Variants in RNF6 observed in about 807,000 individuals in gnomAD.
The protein encoded by RNF6 is E3 ubiquitin-protein ligase RNF6.
Under a neutral mutation model 50.1 loss-of-function variants are expected in RNF6, and 21 were observed. The observed-to-expected ratio is 0.42, with a 90% CI of 0.30 to 0.60. The LOEUF (loss-of-function observed/expected upper bound fraction) is 0.60. Ranked by LOEUF, RNF6 falls within the 20% of genes least tolerant of loss-of-function variation. The pLI is 0.20. For missense variants in RNF6, 698 were observed against 838.2 expected (o/e 0.83, Z 2.07); for synonymous variants, 255 against 291.8 (o/e 0.87, Z 1.29).
chr13:26,193,843 T>C (rs1346852412), intron 5 of RNF6, among the ~76,000 whole-genome samples: 3 of 152,168 alleles, frequency 2.0e-5, no homozygotes, highest in African/African-American at 7.2e-5. Flanking sequence ...ACAGACAATA[T>C]GTGAGAAAAG....
intron 5 of RNF6, among the ~76,000 whole-genome samples, chr13:26,161,139 A>C (rs1872194161): frequency 6.6e-6 from 1 of 152,172 alleles, no homozygotes; most frequent in South Asian, 2.1e-4. Flanking sequence ...ATCTCATAAT[A>C]AAAGTGAATC....
chr13:26,148,327 A>C (rs1871358781), intron 5 of RNF6, among the ~76,000 whole-genome samples: 1 of 152,000 alleles, frequency 6.6e-6, no homozygotes, highest in Admixed American at 6.6e-5. Flanking sequence ...ACAGATGCAA[A>C]CCATGCCACA....
At chr13:26,165,033 G>A (rs1331361524) in intron 5 of RNF6, among the ~76,000 whole-genome samples, 1 of 152,162 alleles carries the variant, frequency 6.6e-6, no homozygotes, top group Non-Finnish European at 1.5e-5. Flanking sequence ...CTTCACAGCT[G>A]CCACTCCCAT....
intron 5 of RNF6, among the ~76,000 whole-genome samples, chr13:26,204,963 A>ATAC (rs1203341030): frequency 7.9e-5 from 12 of 152,282 alleles, no homozygotes; most frequent in Middle Eastern, 3.4e-3. Flanking sequence ...AACAGAGACC[A>ATAC]TACTCTGCAG....
At chr13:26,216,583 A>G (rs1869894660) in intron 4 of RNF6, among the ~76,000 whole-genome samples, 1 of 152,224 alleles carries the variant, frequency 6.6e-6, no homozygotes, top group Admixed American at 6.5e-5. Context: ...TAGATATTAT[A>G]TAAAGTACAA....
intron 5 of RNF6, among the ~76,000 whole-genome samples, chr13:26,135,362 TATA>T (rs1036023756): frequency 2.8e-4 from 43 of 152,106 alleles, no homozygotes; most frequent in African/African-American, 1.0e-3. Flanking sequence ...GGCTTCCCTT[TATA>T]ATAATAATAA....
chr13:26,166,786 G>C (rs1872471875), intron 5 of RNF6, among the ~76,000 whole-genome samples: 1 of 152,116 alleles, frequency 6.6e-6, no homozygotes, highest in Non-Finnish European at 1.5e-5. Flanking sequence ...CAGGCATGGT[G>C]GTGCGTGCCT....
At chr13:26,179,654 T>C (rs1004010985) in intron 5 of RNF6, among the ~76,000 whole-genome samples, 2 of 152,154 alleles carry the variant, frequency 1.3e-5, no homozygotes, top group African/African-American at 2.4e-5. Flanking sequence ...CCATTCAGGG[T>C]CCTGTCCTCC....
chr13:26,141,830 T>C (rs971782568), intron 5 of RNF6, among the ~76,000 whole-genome samples: 2 of 152,162 alleles, frequency 1.3e-5, no homozygotes, highest in African/African-American at 4.8e-5. Context: ...GGAAAAGAAT[T>C]TATGACCAAA....
chr13:26,165,475 C>A (rs566895568), intron 5 of RNF6, among the ~76,000 whole-genome samples: 1 of 152,284 alleles, frequency 6.6e-6, no homozygotes, highest in African/African-American at 2.4e-5. Context: ...ATCCTCCAGA[C>A]CCCACAATTG....
intron 5 of RNF6, among the ~76,000 whole-genome samples, chr13:26,171,067 T>C (rs1872676435): frequency 6.6e-6 from 1 of 152,082 alleles, no homozygotes; most frequent in Non-Finnish European, 1.5e-5. Context: ...CAGGACTTCA[T>C]CAAAATTAAA....
intron 5 of RNF6, chr13:26,142,471 C>A (rs1462741850): frequency 6.6e-6 from 1 of 152,166 alleles, no homozygotes; most frequent in African/African-American, 2.4e-5. Flanking sequence ...TGGAGTCAAC[C>A]TAGGTGTCCA....
At chr13:26,187,629 G>A (rs1873619243) in intron 5 of RNF6, among the ~76,000 whole-genome samples, 1 of 152,234 alleles carries the variant, frequency 6.6e-6, no homozygotes, top group Admixed American at 6.5e-5. Context: ...ACGTACCCAA[G>A]GTCTTATTGC....
chr13:26,203,162 C>T (rs9581588), intron 5 of RNF6, among the ~76,000 whole-genome samples: 1 of 152,038 alleles, frequency 6.6e-6, no homozygotes, highest in Non-Finnish European at 1.5e-5. Context: ...AATTACCTCT[C>T]GAGAGCATCC....
intron 5 of RNF6, among the ~76,000 whole-genome samples, chr13:26,204,060 C>G (rs1868998579): frequency 6.6e-6 from 1 of 152,178 alleles, no homozygotes; most frequent in African/African-American, 2.4e-5. Context: ...CACAATGCAG[C>G]CTGGAGGTTC....
intron 5 of RNF6, among the ~76,000 whole-genome samples, chr13:26,175,868 T>G (rs1364498071): frequency 1.3e-5 from 2 of 152,132 alleles, no homozygotes; most frequent in Non-Finnish European, 2.9e-5. Flanking sequence ...CTTTCACATT[T>G]ATTTGGAATT....
chr13:26,202,072 G>T (rs776326195), intron 5 of RNF6, among the ~76,000 whole-genome samples: 3 of 152,170 alleles, frequency 2.0e-5, no homozygotes, highest in Non-Finnish European at 4.4e-5. Context: ...TACCATACTT[G>T]GCAGTCTGGC....
intron 5 of RNF6, among the ~76,000 whole-genome samples, chr13:26,139,143 C>A (rs552632767): frequency 1.3e-5 from 2 of 152,114 alleles, no homozygotes; most frequent in African/African-American, 4.8e-5. Context: ...TGGGGGCTCA[C>A]CTTTTATATG....
At position 26,177,548 on chromosome 13, in the gene RNF6, C is replaced by T. The variant is rs527387388; in HGVS notation, n.768+37926G>A. On this transcript the variant is annotated intron_variant and non_coding_transcript_variant, in intron 5 of 5. Transcript: ENST00000468480. ...CTATAATTCAACACACAGGTGATAA[C>T]CATAACCATGAGAGTGGCCCTGACA... Among the ~76,000 whole-genome samples the T allele has an allele frequency of 4.8e-4, 73 of 152,280 alleles. 1 individual carries two copies. Among genetic ancestry groups the T allele is most frequent in the African/African-American group, 1.7e-3 (72 of 41,548 alleles).
Sources: gnomAD v4.1 joint callset for allele counts (sites outside exome capture counted in the v4.1 genomes callset) on GRCh38, gnomAD v4.1.1 for gene constraint, MANE v1.5 for transcripts, NCBI Gene and HGNC (gene_info 2026-07-23, HGNC 2026-07-21) for gene names.